The following IL1RAPL2 variants were observed in gnomAD, a reference collection of about 807,000 sequenced individuals.
IL1RAPL2 encodes X-linked interleukin-1 receptor accessory protein-like 2.
In IL1RAPL2, 3 loss-of-function variants were observed where a neutral mutation model predicts 44.1. The observed-to-expected ratio is 0.07, with a 90% CI of 0.03 to 0.18. The LOEUF (loss-of-function observed/expected upper bound fraction) is 0.18. Among genes scored for constraint, IL1RAPL2 ranks in the 10% least tolerant of loss-of-function variants. The pLI, the probability that IL1RAPL2 is intolerant of heterozygous loss-of-function variation, is 1.00. For synonymous variants in IL1RAPL2, 181 were observed against 178.8 expected, an observed-to-expected ratio of 1.01 and a Z score of -0.10; for missense variants, 391 against 496.4, an observed-to-expected ratio of 0.79 and a Z score of 2.02.
At chrX:104,814,645 G>T (rs890901573) in intron 2 of IL1RAPL2, among the ~76,000 whole-genome samples, 1 of 111,975 alleles carries the variant, frequency 8.9e-6, no homozygotes, top group Non-Finnish European at 1.9e-5. Context: ...TTTTGACAAT[G>T]ATTCTATTGT....
intron 2 of IL1RAPL2, among the ~76,000 whole-genome samples, chrX:104,948,834 G>A (rs1416241745): frequency 1.8e-5 from 2 of 109,806 alleles, no homozygotes; most frequent in African/African-American, 6.6e-5. Context: ...ATTTTATTGA[G>A]GATTTTTGCA....
intron 6 of IL1RAPL2, among the ~76,000 whole-genome samples, chrX:105,693,771 G>A (rs1311006077): frequency 9.0e-6 from 1 of 111,447 alleles, no homozygotes; most frequent in East Asian, 2.8e-4. Flanking sequence ...GATGACAGAA[G>A]CAGAGGTGAA....
At chrX:105,396,162 G>T (rs1471520590) in intron 5 of IL1RAPL2, among the ~76,000 whole-genome samples, 2 of 110,594 alleles carry the variant, frequency 1.8e-5, no homozygotes, top group African/African-American at 6.6e-5. Context: ...TAGAGGAAAA[G>T]ATAAATTTGT....
intron 1 of IL1RAPL2, among the ~76,000 whole-genome samples, chrX:104,576,693 T>C (rs1928250138): frequency 8.9e-6 from 1 of 112,040 alleles, no homozygotes; most frequent in Non-Finnish European, 1.9e-5. Context: ...ATCATTTCCT[T>C]TGTTATCCAG....
At chrX:104,936,737 C>T (rs1925037272) in intron 2 of IL1RAPL2, among the ~76,000 whole-genome samples, 2 of 107,755 alleles carry the variant, frequency 1.9e-5, no homozygotes, top group African/African-American at 3.4e-5. Context: ...ATTCTCCTAC[C>T]TCAGCCTACA....
chrX:105,762,678 GTCTTT>G (rs1360347501), intron 10 of IL1RAPL2, among the ~76,000 whole-genome samples: 1 of 111,438 alleles, frequency 9.0e-6, no homozygotes, highest in Non-Finnish European at 1.9e-5. Flanking sequence ...GCCCCTTTTG[GTCTTT>G]TCTGTCATCA....
chrX:104,844,528 G>GACCACATT (rs202112318), intron 2 of IL1RAPL2, among the ~76,000 whole-genome samples: 2,856 of 111,000 alleles, frequency 0.026, 86 homozygotes, highest in African/African-American at 0.09. Flanking sequence ...TGCTTCCCTG[G>GACCACATT]ACCACATTGG....
At chrX:105,653,430 T>A (rs751400680) in intron 6 of IL1RAPL2, among the ~76,000 whole-genome samples, 2 of 111,235 alleles carry the variant, frequency 1.8e-5, no homozygotes, top group Non-Finnish European at 3.8e-5. Flanking sequence ...GCAAAGAAAT[T>A]TAAACTATAT....
Position 104,928,063 on chromosome X carries a change from G to A in IL1RAPL2, c.83-267412G>A, listed in dbSNP as rs546618988. On this transcript the variant is annotated intron_variant, in intron 2 of 10. Transcript: ENST00000372582. ...GCAGGTATATGTATTTATGGGGTAT[G>A]TGAGATGTTTTGATACAGGCATGCA... Among the ~76,000 whole-genome samples, 28 of 111,882 alleles carry A rather than the reference G, an allele frequency of 2.5e-4. No homozygotes were observed. In the Middle Eastern group the frequency reaches 0.018, roughly 74 times the overall value.
chrX:104,630,346 AC>A (rs1357487271), intron 1 of IL1RAPL2, among the ~76,000 whole-genome samples: 27 of 110,468 alleles, frequency 2.4e-4, no homozygotes, highest in African/African-American at 6.9e-4. Context: ...ACGGACTTTC[AC>A]CATGTTGGTC....
intron 5 of IL1RAPL2, among the ~76,000 whole-genome samples, chrX:105,353,355 C>T (rs1470579684): frequency 9.0e-6 from 1 of 111,489 alleles, no homozygotes; most frequent in African/African-American, 3.3e-5. Flanking sequence ...AGTTTGAAGT[C>T]AGGTAGTGTG....
At chrX:104,687,415 G>T (rs1216543890) in intron 2 of IL1RAPL2, among the ~76,000 whole-genome samples, 1 of 110,833 alleles carries the variant, frequency 9.0e-6, no homozygotes. Context: ...GTTCTTGTGG[G>T]AACTAATAGA....
At chrX:105,606,743 G>A (rs963838470) in intron 6 of IL1RAPL2, among the ~76,000 whole-genome samples, 1 of 111,222 alleles carries the variant, frequency 9.0e-6, no homozygotes, top group Non-Finnish European at 1.9e-5. Flanking sequence ...TGTCATTTGC[G>A]GCTACATGGA....
Position 105,320,012 on chromosome X carries a change from G to C in IL1RAPL2, c.697+52471G>C, listed in dbSNP as rs952158568. On this transcript the variant is annotated intron_variant, in intron 5 of 10. Transcript: ENST00000372582. ...TGTGTGTGTGTATATGTGTGTGTGT[G>C]TGTGTATGTGTGTACAGACTTATAT... Among the ~76,000 whole-genome samples the C allele has an allele frequency of 2.8e-4, 31 of 111,550 alleles. 1 individual carries two copies. Among genetic ancestry groups the C allele is most frequent in the African/African-American group, 9.8e-4 (30 of 30,654 alleles).
At chrX:104,893,612 C>T (rs1195363355) in intron 2 of IL1RAPL2, among the ~76,000 whole-genome samples, 2 of 111,203 alleles carry the variant, frequency 1.8e-5, no homozygotes, top group Non-Finnish European at 3.8e-5. Flanking sequence ...ATTGCAACCC[C>T]TGCCTTTTTT....
chrX:104,821,803 C>G (rs1443636647), intron 2 of IL1RAPL2, among the ~76,000 whole-genome samples: 1 of 111,841 alleles, frequency 8.9e-6, no homozygotes, highest in Non-Finnish European at 1.9e-5. Flanking sequence ...AGTTCTAGAT[C>G]CTTGAGGAAT....
intron 2 of IL1RAPL2, among the ~76,000 whole-genome samples, chrX:104,887,944 G>A (rs1031749113): frequency 2.7e-5 from 3 of 111,387 alleles, no homozygotes; most frequent in Non-Finnish European, 3.8e-5. Flanking sequence ...TTAGAACTGC[G>A]AAAGGGAAAA....
At chrX:104,672,090 A>G (rs1438071383) in intron 2 of IL1RAPL2, among the ~76,000 whole-genome samples, 2 of 111,089 alleles carry the variant, frequency 1.8e-5, no homozygotes, top group Non-Finnish European at 3.8e-5. Flanking sequence ...AGGGCAGGCC[A>G]ATTGCTTTCT....
intron 6 of IL1RAPL2, among the ~76,000 whole-genome samples, chrX:105,496,400 C>T (rs914710046): frequency 6.2e-5 from 7 of 112,235 alleles, no homozygotes; most frequent in Non-Finnish European, 1.3e-4. Flanking sequence ...TTGACACTCT[C>T]TTAGCTCAAT....
Sources: allele counts gnomAD v4.1 joint callset (sites outside exome capture counted in the v4.1 genomes callset), GRCh38; gene constraint gnomAD v4.1.1; transcripts MANE v1.5; gene names NCBI Gene and HGNC (gene_info 2026-07-23, HGNC 2026-07-21).